CPED1: variants seen among roughly 807,000 people sequenced by gnomAD.
CPED1 encodes the protein cadherin-like and PC-esterase domain-containing protein 1.
In CPED1, 114 loss-of-function variants were observed where a neutral mutation model predicts 128.2. The observed-to-expected ratio is 0.89, with a 90% CI of 0.76 to 1.04. CPED1 has a LOEUF of 1.04. Among genes scored for constraint, CPED1 ranks in the 50% least tolerant of loss-of-function variants. CPED1 has a pLI of 0.00. For synonymous variants in CPED1, 462 were observed against 426.7 expected (o/e 1.08, Z -1.02); for missense variants, 1,211 against 1,207.1 (o/e 1.00, Z -0.05).
intron 16 of CPED1, among the ~76,000 whole-genome samples, chr7:121,161,654 C>T (rs986346428): frequency 6.6e-6 from 1 of 152,160 alleles, no homozygotes; most frequent in African/African-American, 2.4e-5. Context: ...AGAATTAGAC[C>T]TGTCATACTT....
At chr7:121,170,932 C>T (rs1006518093) in intron 16 of CPED1, among the ~76,000 whole-genome samples, 11 of 151,950 alleles carry the variant, frequency 7.2e-5, no homozygotes, top group African/African-American at 2.2e-4. Context: ...TGTCTGTAAT[C>T]CCAGCTGCTT....
chr7:121,266,922 A>C, intron 20 of CPED1, 114 bp downstream of exon 20: 1 of 738,400 alleles, frequency 1.4e-6, no homozygotes, highest in South Asian at 1.8e-5. Context: ...TTTATCATTA[A>C]GTACTTAAAG....
At chr7:121,222,670 A>G (rs1797909569) in intron 16 of CPED1, among the ~76,000 whole-genome samples, 4 of 152,134 alleles carry the variant, frequency 2.6e-5, no homozygotes, top group Admixed American at 6.5e-5. Flanking sequence ...GAGGTCCTTC[A>G]CATCCCTCCT....
intron 5 of CPED1, among the ~76,000 whole-genome samples, chr7:121,064,995 C>A (rs1793790576): frequency 6.6e-6 from 1 of 152,004 alleles, no homozygotes; most frequent in Admixed American, 6.6e-5. Flanking sequence ...CCAGAAAGTT[C>A]TTTACTACAT....
At chr7:121,147,601 T>C (rs1796054336) in intron 16 of CPED1, among the ~76,000 whole-genome samples, 1 of 152,086 alleles carries the variant, frequency 6.6e-6, no homozygotes, top group African/African-American at 2.4e-5. Context: ...GGGAACAATA[T>C]AATATTCACA....
intron 3 of CPED1, among the ~76,000 whole-genome samples, chr7:121,024,948 GT>G (rs1349614951): frequency 2.0e-5 from 3 of 152,134 alleles, no homozygotes; most frequent in African/African-American, 7.2e-5. Context: ...GCATTATCCA[GT>G]TTAGCTGTTT....
intron 22 of CPED1, among the ~76,000 whole-genome samples, chr7:121,279,449 AC>A (rs1792404139): frequency 6.9e-6 from 1 of 145,126 alleles, no homozygotes. Flanking sequence ...CTCACTCCCC[AC>A]CCCCCGCCAC....
chr7:121,255,779 A>T (rs562911677), intron 18 of CPED1, among the ~76,000 whole-genome samples: 129 of 152,202 alleles, frequency 8.5e-4, no homozygotes, highest in African/African-American at 3.0e-3. Context: ...CCAGGCTGAG[A>T]GTCAAATCAA....
Position 121,015,702 on chromosome 7 carries a change from G to T in CPED1, c.287G>T (p.Gly96Val). Residue 96 changes from glycine (G) to valine (V), a missense_variant, in exon 3 of 23, where the codon GGC (glycine) becomes GTC (valine). Coordinates refer to ENST00000310396, the MANE Select transcript of CPED1 (RefSeq NM_024913.5). ...ATGGAGACACACTTTGGCAGCCATGGCCGAAGGGCCATACTCTACAGGCCT... is the reference window on the plus strand; with the variant it reads ...ATGGAGACACACTTTGGCAGCCATGTCCGAAGGGCCATACTCTACAGGCCT... ...ESMETHFGSH[G>V]RRAILYRPPF... 3 of 1,603,132 alleles carry T rather than the reference G, an allele frequency of 1.9e-6. No homozygotes were observed. Among genetic ancestry groups the T allele is most frequent in the Non-Finnish European group, 2.5e-6 (3 of 1,176,696 alleles).
intron 16 of CPED1, among the ~76,000 whole-genome samples, chr7:121,162,280 G>A (rs1215125188): frequency 6.6e-6 from 1 of 152,226 alleles, no homozygotes; most frequent in Non-Finnish European, 1.5e-5. Context: ...GGATGATTCA[G>A]TATTGTGGAA....
chr7:121,082,858 A>G (rs1794327362), intron 5 of CPED1, among the ~76,000 whole-genome samples: 2 of 152,218 alleles, frequency 1.3e-5, no homozygotes, highest in South Asian at 4.1e-4. Flanking sequence ...AAATTGTTTC[A>G]GCTAGGCCTA....
chr7:121,000,770 C>A lies in CPED1; in HGVS notation c.249+10900C>A, dbSNP rs950343827. ...TAAGTATATTGAATAAGAAGCCTAG[C>A]AGATCATGGGTATGTTGTGAAATAC... is the stretch of plus-strand genomic sequence containing the variant. On this transcript the variant is annotated intron_variant, in intron 2 of 22. Coordinates refer to ENST00000310396, the MANE Select transcript of CPED1 (RefSeq NM_024913.5). 3.3e-5 allele frequency among the ~76,000 whole-genome samples: 5 copies of A among 152,304 alleles called. No individual in the cohort carries two copies. The South Asian group carries it at 1.0e-3, about 32-fold the overall frequency.
At chr7:121,261,888 A>C in intron 18 of CPED1, 1 of 640,440 alleles carries the variant, frequency 1.6e-6, no homozygotes, top group Non-Finnish European at 2.7e-6. Context: ...AATAAAAACA[A>C]AGATAATTAA....
intron 4 of CPED1, among the ~76,000 whole-genome samples, chr7:121,060,759 G>T (rs1195337637): frequency 6.6e-6 from 1 of 152,176 alleles, no homozygotes; most frequent in African/African-American, 2.4e-5. Context: ...ATAAAAGCAG[G>T]CTGTCCCAGC....
chr7:121,199,697 A>AAAAAAAAG (rs1797350348), intron 16 of CPED1, among the ~76,000 whole-genome samples: 3 of 41,766 alleles, frequency 7.2e-5, no homozygotes, highest in African/African-American at 2.8e-4. Flanking sequence ...AAAAAAAAAA[A>AAAAAAAAG]AAAGAAAGAA....
chr7:121,254,648 C>T (rs560523280), intron 18 of CPED1, among the ~76,000 whole-genome samples: 1 of 151,822 alleles, frequency 6.6e-6, no homozygotes, highest in South Asian at 2.1e-4. Flanking sequence ...ATAAGTAAGA[C>T]TGATAGACTA....
At chr7:121,168,480 G>T (rs1020753353) in intron 16 of CPED1, among the ~76,000 whole-genome samples, 1 of 152,198 alleles carries the variant, frequency 6.6e-6, no homozygotes, top group African/African-American at 2.4e-5. Context: ...TATGTAGTAG[G>T]TGTATATGGG....
chr7:121,157,458 A>G (rs1796313893), intron 16 of CPED1, among the ~76,000 whole-genome samples: 1 of 152,148 alleles, frequency 6.6e-6, no homozygotes, highest in African/African-American at 2.4e-5. Flanking sequence ...GGTGTGAGCA[A>G]CGGGGTGTGT....
intron 16 of CPED1, among the ~76,000 whole-genome samples, chr7:121,218,318 A>C (rs1263857643): frequency 6.6e-6 from 1 of 151,996 alleles, no homozygotes; most frequent in African/African-American, 2.4e-5. Context: ...AATTGTAGAC[A>C]GGAAATGTCC....
Sources: gnomAD v4.1 joint callset for allele counts (sites outside exome capture counted in the v4.1 genomes callset) on GRCh38, gnomAD v4.1.1 for gene constraint, MANE v1.5 for transcripts, NCBI Gene and HGNC (gene_info 2026-07-23, HGNC 2026-07-21) for gene names.